RAD51B: variants seen among roughly 807,000 people sequenced by gnomAD.
RAD51B encodes the protein RAD51 paralog B.
Under a neutral mutation model 42.2 loss-of-function variants are expected in RAD51B, and 38 were observed. The ratio of observed to expected loss-of-function variants is 0.90; its 90% CI spans 0.70 to 1.18. The LOEUF (loss-of-function observed/expected upper bound fraction) is 1.18, where lower values mean the gene tolerates loss of function less well. Ranked by LOEUF, RAD51B falls within the 50% of genes most tolerant of loss-of-function variation. The pLI is 0.00. For synonymous variants in RAD51B, 154 were observed against 145.2 expected, an observed-to-expected ratio of 1.06 and a Z score of -0.43; for missense variants, 373 against 400.7, an observed-to-expected ratio of 0.93 and a Z score of 0.59.
At chr14:67,933,578 T>C (rs962846999) in intron 7 of RAD51B, among the ~76,000 whole-genome samples, 5 of 152,150 alleles carry the variant, frequency 3.3e-5, no homozygotes, top group African/African-American at 1.2e-4. Flanking sequence ...AGTGGGGACA[T>C]GGATTGTTAA....
intron 5 of RAD51B, among the ~76,000 whole-genome samples, chr14:67,873,282 A>C (rs1566935557): frequency 1.3e-5 from 2 of 152,250 alleles, no homozygotes; most frequent in South Asian, 2.1e-4. Flanking sequence ...GGCGAAGGAC[A>C]TGAACAGACA....
intron 10 of RAD51B, among the ~76,000 whole-genome samples, chr14:68,603,917 T>C (rs1012238546): frequency 6.6e-6 from 1 of 152,232 alleles, no homozygotes; most frequent in Admixed American, 6.5e-5. Context: ...TTCAACTTTC[T>C]TCAGCCCCTG....
At chr14:68,382,434 C>G (rs530979820) in intron 8 of RAD51B, among the ~76,000 whole-genome samples, 1 of 152,154 alleles carries the variant, frequency 6.6e-6, no homozygotes, top group Admixed American at 6.5e-5. Flanking sequence ...GACAGAGTGG[C>G]CTTTCTAATT....
chr14:67,999,165 G>C (rs2075436156), intron 7 of RAD51B, among the ~76,000 whole-genome samples: 2 of 151,954 alleles, frequency 1.3e-5, no homozygotes, highest in Admixed American at 1.3e-4. Context: ...TTTTGTCTGA[G>C]GTGTGACAGT....
At chr14:68,094,970 A>T (rs1426914191) in intron 7 of RAD51B, among the ~76,000 whole-genome samples, 1 of 152,222 alleles carries the variant, frequency 6.6e-6, no homozygotes, top group East Asian at 1.9e-4. Flanking sequence ...GAAGGAAAGC[A>T]GATGTTTCTT....
At chr14:68,337,705 A>T (rs1275638629) in intron 8 of RAD51B, among the ~76,000 whole-genome samples, 14 of 152,232 alleles carry the variant, frequency 9.2e-5, no homozygotes. Flanking sequence ...AAACCTCTTC[A>T]GGACATTCTG....
rs114044567 is a variant in RAD51B at position 68,203,578 on chromosome 14, C to A, written c.757-88306C>A. 8.8e-3 allele frequency among the ~76,000 whole-genome samples: 1,345 copies of A among 152,288 alleles called. 25 individuals carry two copies. The highest frequency in any genetic ancestry group is 0.031 in the African/African-American group (1,295 of 41,552). ...GAGTCATCAGCTGCATTAGCCCCTA[C>A]CGAGAGAGTCAGCCTGTCTTTTGAA... On this transcript the variant is annotated intron_variant, in intron 7 of 10. Transcript: ENST00000471583.
At chr14:67,832,706 A>G (rs960778556) in intron 3 of RAD51B, among the ~76,000 whole-genome samples, 1 of 152,170 alleles carries the variant, frequency 6.6e-6, no homozygotes, top group Admixed American at 6.5e-5. Context: ...CCTTTTCCTT[A>G]CTGTTCATGA....
chr14:68,042,851 A>G (rs1399798502), intron 7 of RAD51B, among the ~76,000 whole-genome samples: 1 of 152,228 alleles, frequency 6.6e-6, no homozygotes, highest in Non-Finnish European at 1.5e-5. Context: ...TACAATTTCC[A>G]TATTTATCAA....
chr14:68,208,160 T>C (rs1041342014), intron 7 of RAD51B, among the ~76,000 whole-genome samples: 3 of 152,064 alleles, frequency 2.0e-5, no homozygotes, highest in Admixed American at 2.0e-4. Context: ...CCAAGAGGTT[T>C]CTTAAAATAG....
chr14:68,011,572 C>G (rs1426485084), intron 7 of RAD51B, among the ~76,000 whole-genome samples: 2 of 152,114 alleles, frequency 1.3e-5, no homozygotes, highest in East Asian at 3.9e-4. Flanking sequence ...GCAGCATCTT[C>G]GTAGCTTTGA....
chr14:68,479,021 T>C (rs766221784), downstream of RAD51B, among the ~76,000 whole-genome samples: 1 of 152,164 alleles, frequency 6.6e-6, no homozygotes, highest in Non-Finnish European at 1.5e-5. Flanking sequence ...GAAGAGCATC[T>C]TATTCAGCTG....
chr14:68,517,849 G>A (rs1200689513), intron 10 of RAD51B, among the ~76,000 whole-genome samples: 2 of 152,170 alleles, frequency 1.3e-5, no homozygotes, highest in Non-Finnish European at 2.9e-5. Context: ...GGATATTGGT[G>A]AGGAAGCTAG....
intron 7 of RAD51B, among the ~76,000 whole-genome samples, chr14:68,286,598 A>G (rs991736434): frequency 3.3e-5 from 5 of 152,192 alleles, no homozygotes; most frequent in Admixed American, 6.5e-5. Context: ...TCACCTGTAC[A>G]TTCTAGTACT....
chr14:68,667,439 TTTATTG>T (rs1175898554), intron 11 of RAD51B, among the ~76,000 whole-genome samples: 12,742 of 152,242 alleles, frequency 0.084, 596 homozygotes, highest in Middle Eastern at 0.13. Flanking sequence ...AAATGTTGAC[TTTATTG>T]TAAATCAAAT....
chr14:68,462,224 A>G (rs1314040821), intron 9 of RAD51B, among the ~76,000 whole-genome samples: 1 of 152,190 alleles, frequency 6.6e-6, no homozygotes, highest in Non-Finnish European at 1.5e-5. Context: ...TGATGGATGG[A>G]TTGAATGCCC....
chr14:68,414,675 A>G (rs2084505606), intron 9 of RAD51B, among the ~76,000 whole-genome samples: 2 of 152,012 alleles, frequency 1.3e-5, no homozygotes, highest in African/African-American at 4.8e-5. Context: ...ACATCATCAG[A>G]GGCATATTAA....
At chr14:68,292,069 G>A (rs2081528590) in intron 8 of RAD51B, 89 bp downstream of exon 8, 3 of 1,230,944 alleles carry the variant, frequency 2.4e-6, no homozygotes, top group Non-Finnish European at 3.6e-6. Context: ...TGGGAGATAT[G>A]GCTAATAGGC....
At chr14:68,285,625 G>C (rs2081400083) in intron 7 of RAD51B, among the ~76,000 whole-genome samples, 1 of 152,180 alleles carries the variant, frequency 6.6e-6, no homozygotes, top group African/African-American at 2.4e-5. Flanking sequence ...CCCAGTTAAA[G>C]TGATTTTGAA....
Sources: allele counts gnomAD v4.1 joint callset (sites outside exome capture counted in the v4.1 genomes callset), GRCh38; gene constraint gnomAD v4.1.1; transcripts MANE v1.5; gene names NCBI Gene and HGNC (gene_info 2026-07-23, HGNC 2026-07-21).